Variants in KANK1 observed in about 807,000 individuals in gnomAD.
The protein encoded by KANK1 is KN motif and ankyrin repeat domains 1, also known as KN motif and ankyrin repeat domain-containing protein 1.
A neutral mutation model predicts 106.2 loss-of-function variants in KANK1; 109 were observed. That is an observed-to-expected ratio of 1.03 (90% confidence interval 0.88 to 1.20). The LOEUF (loss-of-function observed/expected upper bound fraction) is 1.20. Among genes scored for constraint, KANK1 ranks in the 50% most tolerant of loss-of-function variants. The pLI is 0.00. For synonymous variants in KANK1, 873 were observed against 652.2 expected, an observed-to-expected ratio of 1.34 and a Z score of -5.16; for missense variants, 2,399 against 1,710.7, an observed-to-expected ratio of 1.40 and a Z score of -7.10.
At chr9:572,132 T>C (rs7861777) in intron 1 of KANK1, among the ~76,000 whole-genome samples, 9,121 of 149,992 alleles carry the variant, frequency 0.061, 921 homozygotes, top group African/African-American at 0.21. Flanking sequence ...TCTTAACTTA[T>C]GGTTGTAATA....
chr9:649,921 T>A (rs556551685), intron 1 of KANK1, among the ~76,000 whole-genome samples: 1 of 152,272 alleles, frequency 6.6e-6, no homozygotes, highest in South Asian at 2.1e-4. Flanking sequence ...TCATCCCCGT[T>A]GCCCTTTTAG....
chr9:646,900 G>A (rs1010147339), intron 1 of KANK1, among the ~76,000 whole-genome samples: 3 of 150,596 alleles, frequency 2.0e-5, no homozygotes, highest in Admixed American at 2.0e-4. Flanking sequence ...GTTTCACCAT[G>A]TTGGCCAGGC....
At chr9:526,447 T>C (rs1314127450) in intron 1 of KANK1, among the ~76,000 whole-genome samples, 1 of 151,706 alleles carries the variant, frequency 6.6e-6, no homozygotes, top group Non-Finnish European at 1.5e-5. Context: ...GTGTGGTGGC[T>C]CGTGCCTGTA....
In KANK1 at chr9:546,896, A is replaced by G. The variant is rs558926042; in HGVS notation, c.-84+42142A>G. Among the ~76,000 whole-genome samples, 3 of 152,298 alleles carry G rather than the reference A, an allele frequency of 2.0e-5. No homozygotes were observed. In the East Asian group the frequency reaches 5.8e-4, roughly 29 times the overall value. On this transcript the variant is annotated intron_variant, in intron 1 of 11. Transcript: ENST00000382297. Reference sequence around the variant, plus strand: ...CAGGCTTGGAAAAAAGACAGGAAGTATTCCTTGTCTTTGGAAATGAGCCTA... The same window carrying G: ...CAGGCTTGGAAAAAAGACAGGAAGTGTTCCTTGTCTTTGGAAATGAGCCTA...
chr9:622,666 G>C (rs1230287959), intron 1 of KANK1, among the ~76,000 whole-genome samples: 2 of 152,038 alleles, frequency 1.3e-5, no homozygotes, highest in Admixed American at 1.3e-4. Context: ...CACTTTGGGA[G>C]GCTGAGGCTG....
upstream of KANK1, among the ~76,000 whole-genome samples, chr9:502,876 C>G (rs919454229): frequency 6.6e-6 from 1 of 152,140 alleles, no homozygotes; most frequent in Non-Finnish European, 1.5e-5. Context: ...ACTCTGTAGC[C>G]TGGACTAGAA....
intron 1 of KANK1, among the ~76,000 whole-genome samples, chr9:647,753 G>A (rs1322203962): frequency 3.3e-5 from 5 of 150,778 alleles, no homozygotes; most frequent in Non-Finnish European, 7.4e-5. Context: ...TAAAGAAAGT[G>A]CCAAACAACC....
chr9:673,267 G>A (rs964089954), intron 1 of KANK1, among the ~76,000 whole-genome samples: 2 of 140,452 alleles, frequency 1.4e-5, no homozygotes, highest in Non-Finnish European at 3.0e-5. Context: ...CTGGAATGCA[G>A]TGGCGTGATC....
intron 1 of KANK1, among the ~76,000 whole-genome samples, chr9:607,174 A>G (rs1480667628): frequency 1.3e-5 from 2 of 151,758 alleles, no homozygotes; most frequent in Non-Finnish European, 2.9e-5. Context: ...AAACTTTGGC[A>G]TATCAAAATC....
chr9:671,103 T>A (rs573087399), intron 1 of KANK1, among the ~76,000 whole-genome samples: 1 of 152,182 alleles, frequency 6.6e-6, no homozygotes, highest in East Asian at 1.9e-4. Context: ...CCAGCTTTCA[T>A]CTACATTTTT....
intron 2 of KANK1, among the ~76,000 whole-genome samples, chr9:695,468 C>T (rs1340324974): frequency 1.5e-5 from 1 of 65,002 alleles, no homozygotes; most frequent in African/African-American, 4.9e-5. Flanking sequence ...AGTGCGTGTG[C>T]ACACACACAT....
In KANK1 at chr9:663,258, G is replaced by C. The variant is rs137883077; in HGVS notation, c.-83-13632G>C. On this transcript the variant is annotated intron_variant, in intron 1 of 11. Coordinates refer to ENST00000382297, the MANE Select transcript of KANK1 (RefSeq NM_015158.5). Reference sequence around the variant, plus strand: ...TTATATCTGTGGCTACTACATTGTTGTTCTTTAATGCTTAAATAGGTAAAA... The same window carrying C: ...TTATATCTGTGGCTACTACATTGTTCTTCTTTAATGCTTAAATAGGTAAAA... 7.8e-4 allele frequency among the ~76,000 whole-genome samples: 119 copies of C among 152,276 alleles called. 2 individuals carry two copies. Among genetic ancestry groups the C allele is most frequent in the African/African-American group, 2.6e-3 (109 of 41,540 alleles).
chr9:664,245 C>G (rs925264790), intron 1 of KANK1, among the ~76,000 whole-genome samples: 3 of 152,134 alleles, frequency 2.0e-5, no homozygotes, highest in Non-Finnish European at 4.4e-5. Flanking sequence ...TTCCCAGCCT[C>G]CGGTAACCAC....
rs142515309 is a variant in KANK1 at position 738,393 on chromosome 9, C to G, written c.3442C>G (p.Pro1148Ala). 2.5e-6 allele frequency: 4 copies of G among 1,614,004 alleles called. No homozygotes were observed. In the African/African-American group the frequency reaches 4.0e-5, roughly 16 times the overall value. Residue 1148 changes from proline (P) to alanine (A), a missense_variant, in exon 8 of 12, where the codon CCA becomes GCA. Coordinates refer to ENST00000382297, the MANE Select transcript of KANK1 (RefSeq NM_015158.5). ...DYIAAFEAISPDVLRYVINLA... is the reference protein window; with the variant it reads ...DYIAAFEAISADVLRYVINLA... ...CATAGCTGCTTTTGAGGCCATTTCC[C>G]CAGATGTCCTCCGCTATGTCATCAA...
chr9:559,139 T>C (rs1484818860), intron 1 of KANK1, among the ~76,000 whole-genome samples: 1 of 152,174 alleles, frequency 6.6e-6, no homozygotes, highest in Non-Finnish European at 1.5e-5. Context: ...TTGATAGGCA[T>C]TGAGTGTTTT....
rs74365513 is a variant in KANK1 at position 597,682 on chromosome 9, T to C, written c.-83-79208T>C. ...TTTTTAATTTTTATTTATTTTTTTTTAGACAGAGTCTTGCTCTGTTGCCCA... is the reference window on the plus strand; with the variant it reads ...TTTTTAATTTTTATTTATTTTTTTTCAGACAGAGTCTTGCTCTGTTGCCCA... On this transcript the variant is annotated intron_variant, in intron 1 of 11. Transcript: ENST00000382297. Among the ~76,000 whole-genome samples, 3 of 151,692 alleles carry C rather than the reference T, an allele frequency of 2.0e-5. No individual in the cohort carries two copies. The East Asian group carries it at 5.8e-4, about 29-fold the overall frequency.
intron 1 of KANK1, among the ~76,000 whole-genome samples, chr9:604,638 T>C (rs1254323382): frequency 6.6e-6 from 1 of 151,498 alleles, no homozygotes; most frequent in African/African-American, 2.4e-5. Context: ...TCAAGACCAG[T>C]CTGGCCAACA....
At chr9:581,399 C>G (rs888722626) in intron 1 of KANK1, among the ~76,000 whole-genome samples, 1 of 152,200 alleles carries the variant, frequency 6.6e-6, no homozygotes, top group Non-Finnish European at 1.5e-5. Flanking sequence ...GATACAAGAG[C>G]CTTCTCGTAA....
chr9:590,726 C>T (rs1240157405), intron 1 of KANK1, among the ~76,000 whole-genome samples: 1 of 151,398 alleles, frequency 6.6e-6, no homozygotes, highest in African/African-American at 2.4e-5. Context: ...TTATAAACCT[C>T]TCTGCTTATC....
Sources: allele counts gnomAD v4.1 joint callset (sites outside exome capture counted in the v4.1 genomes callset), GRCh38; gene constraint gnomAD v4.1.1; transcripts MANE v1.5; gene names NCBI Gene and HGNC (gene_info 2026-07-23, HGNC 2026-07-21).